Variants in GPHN observed in about 807,000 individuals in gnomAD.
GPHN encodes gephyrin.
A neutral mutation model predicts 95.5 loss-of-function variants in GPHN; 17 were observed. The observed-to-expected ratio is 0.18, with a 90% CI of 0.12 to 0.27. The LOEUF (loss-of-function observed/expected upper bound fraction) is 0.27. Among genes scored for constraint, GPHN ranks in the 10% least tolerant of loss-of-function variants. The pLI is 1.00. For synonymous variants in GPHN, 320 were observed against 322.5 expected (o/e 0.99, Z 0.08); for missense variants, 660 against 978.1 (o/e 0.67, Z 4.34).
chr14:67,677,373 T>TTTG, the GPHN span: 163 of 139,566 alleles, frequency 1.2e-3, no homozygotes, highest in Middle Eastern at 3.6e-3. Context: ...ATTTTTTTTT[T>TTTG]TTTTTTTTTT....
chr14:66,882,259 A>C (rs1270385343), intron 5 of GPHN, among the ~76,000 whole-genome samples: 2 of 151,830 alleles, frequency 1.3e-5, no homozygotes, highest in African/African-American at 4.8e-5. Flanking sequence ...ACACATAGTA[A>C]GTACTCAAAA....
At chr14:67,583,971 T>C in the GPHN span, 1 of 1,613,898 alleles carries the variant, frequency 6.2e-7, no homozygotes, top group East Asian at 2.2e-5. Context: ...ATTGGCACTA[T>C]TTCTCTCCAT....
intron 1 of GPHN, among the ~76,000 whole-genome samples, chr14:66,518,464 T>C (rs1057103719): frequency 4.3e-4 from 66 of 152,144 alleles, no homozygotes; most frequent in Admixed American, 7.2e-4. Context: ...AACTACCATA[T>C]GATCCATCAA....
the GPHN span, among the ~76,000 whole-genome samples, chr14:67,529,808 A>G: frequency 6.6e-6 from 1 of 152,186 alleles, no homozygotes; most frequent in African/African-American, 2.4e-5. Context: ...TTGTGACCCA[A>G]GGCAGAGAGC....
chr14:66,739,006 A>C (rs1270879959), intron 2 of GPHN, among the ~76,000 whole-genome samples: 1 of 152,070 alleles, frequency 6.6e-6, no homozygotes, highest in Non-Finnish European at 1.5e-5. Flanking sequence ...AGAAAATATT[A>C]GTAACTTGTC....
At chr14:67,198,880 TA>T in the GPHN span, 1 of 673,144 alleles carries the variant, frequency 1.5e-6, no homozygotes, top group Non-Finnish European at 2.7e-6. Flanking sequence ...AGTTCAATGA[TA>T]GGGGTCATAC....
At chr14:67,585,954 G>A in the GPHN span, 1 of 1,611,806 alleles carries the variant, frequency 6.2e-7, no homozygotes, top group Non-Finnish European at 8.5e-7. Flanking sequence ...TCCACAGCAA[G>A]TGCACATCAC....
chr14:67,563,061 T>G, the GPHN span, among the ~76,000 whole-genome samples: 1 of 152,176 alleles, frequency 6.6e-6, no homozygotes, highest in East Asian at 1.9e-4. Context: ...CCAGTGAGGG[T>G]CAGCGCCAGA....
the GPHN span, chr14:67,390,695 G>GA: frequency 7.4e-6 from 12 of 1,613,496 alleles, no homozygotes; most frequent in Non-Finnish European, 1.0e-5. Flanking sequence ...AGGAAAGCTG[G>GA]ATCCTTCCTT....
At chr14:66,526,966 G>A (rs2058716151) in intron 1 of GPHN, among the ~76,000 whole-genome samples, 1 of 152,144 alleles carries the variant, frequency 6.6e-6, no homozygotes, top group Non-Finnish European at 1.5e-5. Flanking sequence ...CCAGGTTTTG[G>A]TATCAGGATG....
At chr14:67,360,084 G>A in the GPHN span, 1 of 425,532 alleles carries the variant, frequency 2.3e-6, no homozygotes, top group Non-Finnish European at 4.2e-6. Flanking sequence ...TGGTCACAGC[G>A]CCATCTCATG....
the GPHN span, among the ~76,000 whole-genome samples, chr14:67,476,357 C>G: frequency 6.6e-6 from 1 of 151,986 alleles, no homozygotes; most frequent in Non-Finnish European, 1.5e-5. Context: ...GAGGCTGAGG[C>G]GGGTGGATCA....
At chr14:66,639,022 C>T (rs1433390121) in intron 1 of GPHN, among the ~76,000 whole-genome samples, 2 of 151,900 alleles carry the variant, frequency 1.3e-5, no homozygotes, top group East Asian at 3.9e-4. Flanking sequence ...TGGACCATCT[C>T]ATTTTGCTAA....
chr14:66,535,603 A>G (rs1413463449), intron 1 of GPHN, among the ~76,000 whole-genome samples: 1 of 152,180 alleles, frequency 6.6e-6, no homozygotes, highest in Non-Finnish European at 1.5e-5. Flanking sequence ...AACATGGATT[A>G]TCTATCCATT....
intron 4 of GPHN, among the ~76,000 whole-genome samples, chr14:66,873,713 A>G (rs144522925): frequency 5.1e-4 from 77 of 152,292 alleles, no homozygotes; most frequent in African/African-American, 1.7e-3. Flanking sequence ...GCCTCTCTAG[A>G]TTCCTTCTCT....
chr14:66,545,788 C>T (rs2059560544), intron 1 of GPHN, among the ~76,000 whole-genome samples: 1 of 147,954 alleles, frequency 6.8e-6, no homozygotes, highest in Admixed American at 6.7e-5. Flanking sequence ...CAGAGGGGCT[C>T]CTCACTTCCC....
chr14:66,546,775 A>T (rs2059616993), intron 1 of GPHN, among the ~76,000 whole-genome samples: 1 of 61,340 alleles, frequency 1.6e-5, no homozygotes, highest in South Asian at 6.7e-4. Flanking sequence ...AGAGAGGGAG[A>T]GGGAGACCGT....
the GPHN span, among the ~76,000 whole-genome samples, chr14:67,196,360 G>A: frequency 3.7e-4 from 56 of 152,126 alleles, no homozygotes; most frequent in Non-Finnish European, 5.6e-4. Context: ...GGGATTACAG[G>A]CACCTGTCAC....
the GPHN span, among the ~76,000 whole-genome samples, chr14:67,291,817 A>C: frequency 6.6e-6 from 1 of 152,228 alleles, no homozygotes; most frequent in Non-Finnish European, 1.5e-5. Context: ...AAAAATAATA[A>C]TATCAAATAT....
Sources: gnomAD v4.1 joint callset for allele counts (sites outside exome capture counted in the v4.1 genomes callset) on GRCh38, gnomAD v4.1.1 for gene constraint, MANE v1.5 for transcripts, NCBI Gene and HGNC (gene_info 2026-07-23, HGNC 2026-07-21) for gene names.